PRKCQ: variants seen among roughly 807,000 people sequenced by gnomAD.
PRKCQ encodes protein kinase C theta type.
PRKCQ carries 41 observed loss-of-function variants against 91.2 expected under a neutral mutation model. The observed-to-expected ratio is 0.45, with a 90% CI of 0.35 to 0.58. The LOEUF (loss-of-function observed/expected upper bound fraction) is 0.58, where lower values mean the gene tolerates loss of function less well. Among genes scored for constraint, PRKCQ ranks in the 20% least tolerant of loss-of-function variants. The pLI, the probability that PRKCQ is intolerant of heterozygous loss-of-function variation, is 0.00. For missense variants in PRKCQ, 673 were observed against 896.5 expected (o/e 0.75, Z 3.18); for synonymous variants, 307 against 316.9 (o/e 0.97, Z 0.33).
intron 15 of PRKCQ, among the ~76,000 whole-genome samples, chr10:6,451,687 T>C (rs1834689542): frequency 6.6e-6 from 1 of 152,076 alleles, no homozygotes; most frequent in African/African-American, 2.4e-5. Flanking sequence ...AATAAAATAC[T>C]GGCAAACCGA....
chr10:6,550,984 T>C (rs1840161020), intron 1 of PRKCQ, among the ~76,000 whole-genome samples: 1 of 152,244 alleles, frequency 6.6e-6, no homozygotes, highest in Admixed American at 6.5e-5. Context: ...TAAGTAATGT[T>C]GAGCATCTTC....
At chr10:6,516,709 C>T (rs1365598161) in intron 1 of PRKCQ, among the ~76,000 whole-genome samples, 1 of 152,158 alleles carries the variant, frequency 6.6e-6, no homozygotes, top group Non-Finnish European at 1.5e-5. Flanking sequence ...AGAGGGATCA[C>T]TAACTCACAA....
rs759332107 is a variant in PRKCQ, at chr10:6,515,089, G to A, written c.47C>T (p.Ser16Phe). The change falls in exon 2 of 18, where the codon TCC becomes TTC. Residue 16 changes from serine (S) to phenylalanine (F), a missense_variant. Coordinates refer to ENST00000263125, the MANE Select transcript of PRKCQ (RefSeq NM_006257.5). ...AGCCTCGCCCTGACAAGACTGGCAG[G>A]ACCCGCAGTCAAAGTTGGACAAGCC... ...RIGLSNFDCG[S>F]CQSCQGEAVN... The A allele has an allele frequency of 4.5e-5, 73 of 1,613,822 alleles. No homozygotes were observed. The highest frequency in any genetic ancestry group is 4.2e-4 in the Admixed American group (25 of 59,940).
chr10:6,435,869 T>G lies in PRKCQ; in HGVS notation c.1837-4931A>C, dbSNP rs147767765. 4.7e-3 allele frequency among the ~76,000 whole-genome samples: 722 copies of G among 152,320 alleles called. 2 individuals are homozygous for G. Among genetic ancestry groups the G allele is most frequent in the Middle Eastern group, 0.02 (6 of 294 alleles). On this transcript the variant is annotated intron_variant, in intron 16 of 17. Coordinates refer to ENST00000263125, the MANE Select transcript of PRKCQ (RefSeq NM_006257.5). Reference sequence around the variant, plus strand: ...GGCTCATGCCTGTAATCCCAGCACATTGGGAGGCTGAGGCGGGCAGATTGC... The same window carrying G: ...GGCTCATGCCTGTAATCCCAGCACAGTGGGAGGCTGAGGCGGGCAGATTGC...
At chr10:6,543,223 G>A (rs1839833436) in intron 1 of PRKCQ, among the ~76,000 whole-genome samples, 1 of 152,188 alleles carries the variant, frequency 6.6e-6, no homozygotes, top group Admixed American at 6.5e-5. Flanking sequence ...CACACATCCT[G>A]CCATGTTTAC....
intron 1 of PRKCQ, among the ~76,000 whole-genome samples, chr10:6,522,638 A>C (rs951578965): frequency 6.6e-6 from 1 of 152,266 alleles, no homozygotes; most frequent in Non-Finnish European, 1.5e-5. Context: ...GAAATAAGAA[A>C]TAGCAAACTT....
intron 1 of PRKCQ, among the ~76,000 whole-genome samples, chr10:6,575,973 G>C (rs1841217942): frequency 6.6e-6 from 1 of 152,172 alleles, no homozygotes; most frequent in South Asian, 2.1e-4. Context: ...CTGGGAGGTA[G>C]AGGTTGCAGT....
chr10:6,523,404 T>C (rs1328557776), intron 1 of PRKCQ, among the ~76,000 whole-genome samples: 4 of 152,164 alleles, frequency 2.6e-5, no homozygotes, highest in Non-Finnish European at 4.4e-5. Flanking sequence ...TGAGCTGTGA[T>C]TGCACCACTG....
In PRKCQ at chr10:6,456,363, G is replaced by A. The variant is rs2296124; in HGVS notation, c.1647+311C>T. On this transcript the variant is annotated intron_variant, in intron 15 of 17. Coordinates refer to ENST00000263125, the MANE Select transcript of PRKCQ (RefSeq NM_006257.5). ...GTTTCACCACTTGACTTGGGTGGAC[G>A]CTTGCTCCACCTGGCTCTTCACTAG... Among the ~76,000 whole-genome samples, 30 of 152,262 alleles carry A rather than the reference G, an allele frequency of 2.0e-4. No individual in the cohort carries two copies. In the East Asian group the frequency reaches 3.3e-3, roughly 17 times the overall value.
chr10:6,485,168 C>G lies in PRKCQ; in HGVS notation c.1002G>C (p.Pro334=). 6.2e-7 allele frequency: 1 copy of G among 1,613,552 alleles called. No homozygotes were observed. The highest frequency in any genetic ancestry group is 8.5e-7 in the Non-Finnish European group (1 of 1,179,736). ...IKNEARPPCL[P]TPGKREPQGI... Reference sequence around the variant, plus strand: ...GACAGCTACCTCTTTTTCCCGGTGTCGGTAAACATGGCGGCCTTGCTTCAT... The same window carrying G: ...GACAGCTACCTCTTTTTCCCGGTGTGGGTAAACATGGCGGCCTTGCTTCAT... Residue 334 remains proline, a synonymous_variant, in exon 10 of 18, where the codon CCG becomes CCC. Coordinates refer to ENST00000263125, the MANE Select transcript of PRKCQ (RefSeq NM_006257.5).
chr10:6,471,610 C>T (rs1014755375), intron 12 of PRKCQ, among the ~76,000 whole-genome samples: 5 of 152,170 alleles, frequency 3.3e-5, no homozygotes, highest in South Asian at 4.1e-4. Context: ...ATTAGCTGGG[C>T]GCAGTGGCGC....
Position 6,430,844 on chromosome 10 carries a change from C to A in PRKCQ, c.1931G>T (p.Arg644Leu). Reference protein sequence around the residue: ...FREINWEELERKEIDPPFRPK... With the variant: ...FREINWEELELKEIDPPFRPK... ...CCGGAACGGTGGGTCAATCTCCTTC[C>A]GTTCAAGTTCCTCCCAGTTGATCTC... Residue 644 changes from arginine to leucine, a missense_variant, in exon 17 of 18, where the codon CGG (arginine) becomes CTG (leucine). By Grantham distance (102) the Arg-to-Leu change is moderately radical. Transcript: ENST00000263125. This position sits in a 1 kb window ranked among gnomAD's most constrained non-coding sequence, Gnocchi z 4.7. 1 of 1,614,104 alleles carries A rather than the reference C, an allele frequency of 6.2e-7. No individual in the cohort carries two copies. Among genetic ancestry groups the A allele is most frequent in the African/African-American group, 1.3e-5 (1 of 75,024 alleles).
At chr10:6,439,400 G>A (rs1174877265) in intron 16 of PRKCQ, among the ~76,000 whole-genome samples, 1 of 152,150 alleles carries the variant, frequency 6.6e-6, no homozygotes, top group East Asian at 1.9e-4. Flanking sequence ...GGGGAGAGCT[G>A]GTCTGTAGGT....
chr10:6,491,463 G>A (rs530542610), intron 8 of PRKCQ, among the ~76,000 whole-genome samples: 1 of 152,330 alleles, frequency 6.6e-6, no homozygotes, highest in African/African-American at 2.4e-5. Flanking sequence ...AACCTGAACT[G>A]TTGTGCTCTT....
At chr10:6,524,494 C>T (rs1484033931) in intron 1 of PRKCQ, among the ~76,000 whole-genome samples, 1 of 152,136 alleles carries the variant, frequency 6.6e-6, no homozygotes, top group East Asian at 1.9e-4. Flanking sequence ...GTATTCCAAG[C>T]GCATGTCTGC....
At position 6,469,873 on chromosome 10, in the gene PRKCQ, A is replaced by T. The variant is rs991863806; in HGVS notation, c.1354-5469T>A. ...AATGAAAAATGAGTTCTCAAGCCAC[A>T]GAAAGAAAAGAAGAACCCTTAAATG... On this transcript the variant is annotated intron_variant, in intron 12 of 17. Coordinates refer to ENST00000263125, the MANE Select transcript of PRKCQ (RefSeq NM_006257.5). 2.6e-5 allele frequency among the ~76,000 whole-genome samples: 4 copies of T among 152,052 alleles called. No homozygotes were observed. The East Asian group carries it at 7.7e-4, about 29-fold the overall frequency.
At chr10:6,489,863 C>A (rs1474422365) in intron 8 of PRKCQ, among the ~76,000 whole-genome samples, 1 of 151,946 alleles carries the variant, frequency 6.6e-6, no homozygotes, top group Non-Finnish European at 1.5e-5. Context: ...GAAATAACGC[C>A]CAGGAACCCC....
At chr10:6,442,171 T>C (rs1834004651) in intron 15 of PRKCQ, 90 bp from the exon 16 acceptor site, 5 of 1,265,732 alleles carry the variant, frequency 4.0e-6, no homozygotes, top group East Asian at 2.5e-5. Flanking sequence ...ACTCAGTAAA[T>C]GGTCGAGGAT....
intron 12 of PRKCQ, among the ~76,000 whole-genome samples, chr10:6,472,459 G>A (rs1435125796): frequency 1.3e-5 from 2 of 152,182 alleles, no homozygotes; most frequent in Non-Finnish European, 2.9e-5. Context: ...CGAGAAAACT[G>A]TAAGGAAACA....
Sources: gnomAD v4.1 joint callset for allele counts (sites outside exome capture counted in the v4.1 genomes callset) on GRCh38, gnomAD v4.1.1 for gene constraint, Gnocchi (gnomAD v3.1) non-coding constraint, MANE v1.5 for transcripts, NCBI Gene and HGNC (gene_info 2026-07-23, HGNC 2026-07-21) for gene names.